Variants in BNC2 observed in about 807,000 individuals in gnomAD.
BNC2 encodes the protein zinc finger protein basonuclin-2.
In BNC2, 20 loss-of-function variants were observed where a neutral mutation model predicts 76.3. The observed-to-expected ratio is 0.26, with a 90% CI of 0.18 to 0.38. The LOEUF is 0.38. Ranked by LOEUF, BNC2 falls within the 10% of genes least tolerant of loss-of-function variation. The probability of loss-of-function intolerance (pLI) is 1.00; values close to 1 mark genes in which losing one functional copy is unlikely to be tolerated. For missense variants in BNC2, 1,382 were observed against 1,399.8 expected, an observed-to-expected ratio of 0.99 and a Z score of 0.20; for synonymous variants, 582 against 514.8, an observed-to-expected ratio of 1.13 and a Z score of -1.77.
chr9:16,685,597 C>T, intron 3 of BNC2: 1 of 1,304,262 alleles, frequency 7.7e-7, no homozygotes, highest in South Asian at 1.2e-5. Context: ...GAAGTCTGCC[C>T]CCAGCACTCT....
chr9:16,562,156 T>C (rs1819034990), intron 4 of BNC2, among the ~76,000 whole-genome samples: 1 of 152,212 alleles, frequency 6.6e-6, no homozygotes, highest in Non-Finnish European at 1.5e-5. Context: ...GCAATGATAA[T>C]GAACTCTCCT....
intron 1 of BNC2, among the ~76,000 whole-genome samples, chr9:16,795,029 C>T (rs968643726): frequency 4.6e-5 from 7 of 152,192 alleles, no homozygotes; most frequent in Non-Finnish European, 1.5e-5. Context: ...AATCATTCTT[C>T]ACAGGGTTCA....
chr9:16,467,443 CAAT>C (rs1821717803), intron 5 of BNC2, among the ~76,000 whole-genome samples: 2 of 144,108 alleles, frequency 1.4e-5, no homozygotes, highest in Non-Finnish European at 3.0e-5. Context: ...AAATGTCCAA[CAAT>C]GATAGACTGG....
At chr9:16,432,506 A>T (rs1321293800) in intron 6 of BNC2, among the ~76,000 whole-genome samples, 3 of 152,234 alleles carry the variant, frequency 2.0e-5, no homozygotes, top group Non-Finnish European at 4.4e-5. Context: ...GGAGAAGCCC[A>T]GGCAGACCTG....
At chr9:16,438,522 G>T (rs1038106684) in intron 5 of BNC2, among the ~76,000 whole-genome samples, 1 of 152,094 alleles carries the variant, frequency 6.6e-6, no homozygotes. Flanking sequence ...ATCCTGCAAT[G>T]TAATGTCAGG....
chr9:16,427,460 A>C (rs1820824576), intron 6 of BNC2, among the ~76,000 whole-genome samples: 1 of 152,260 alleles, frequency 6.6e-6, no homozygotes, highest in South Asian at 2.1e-4. Flanking sequence ...TATTGAAGGC[A>C]ATCCTTCTCT....
chr9:16,518,083 T>C (rs890877126), intron 5 of BNC2, among the ~76,000 whole-genome samples: 2 of 152,238 alleles, frequency 1.3e-5, no homozygotes, highest in Non-Finnish European at 1.5e-5. Flanking sequence ...TTCTATTATA[T>C]ATACTTCGGT....
At chr9:16,485,794 G>A (rs974681104) in intron 5 of BNC2, among the ~76,000 whole-genome samples, 2 of 152,176 alleles carry the variant, frequency 1.3e-5, no homozygotes, top group Non-Finnish European at 2.9e-5. Flanking sequence ...GGGCAACAGA[G>A]TGAGACCCTG....
intron 3 of BNC2, among the ~76,000 whole-genome samples, chr9:16,593,272 G>A (rs1260470289): frequency 1.3e-5 from 2 of 152,070 alleles, no homozygotes; most frequent in Non-Finnish European, 2.9e-5. Flanking sequence ...GAGTGTAAAT[G>A]TTTCTACAAC....
At chr9:16,862,498 G>A (rs1586944749) in intron 1 of BNC2, among the ~76,000 whole-genome samples, 1 of 152,130 alleles carries the variant, frequency 6.6e-6, no homozygotes, top group East Asian at 1.9e-4. Context: ...ATAGAACAGG[G>A]CCTCTATAGA....
intron 3 of BNC2, among the ~76,000 whole-genome samples, chr9:16,592,084 G>C (rs1316529117): frequency 2.0e-5 from 3 of 150,858 alleles, no homozygotes; most frequent in Non-Finnish European, 4.4e-5. Flanking sequence ...ACAAAAAGCT[G>C]GGCAATTTAA....
At chr9:16,467,406 ACAATAG>A (rs1253102865) in intron 5 of BNC2, among the ~76,000 whole-genome samples, 5 of 149,304 alleles carry the variant, frequency 3.3e-5, no homozygotes, top group Non-Finnish European at 7.4e-5. Flanking sequence ...GGCACTATTC[ACAATAG>A]CAAAGACTTG....
chr9:16,509,883 G>A (rs1285594597), intron 5 of BNC2, among the ~76,000 whole-genome samples: 1 of 152,182 alleles, frequency 6.6e-6, no homozygotes, highest in Non-Finnish European at 1.5e-5. Flanking sequence ...AACTGTAATG[G>A]TTAGCTGACA....
chr9:16,529,048 T>C (rs909586194), intron 5 of BNC2, among the ~76,000 whole-genome samples: 1 of 152,198 alleles, frequency 6.6e-6, no homozygotes, highest in African/African-American at 2.4e-5. Flanking sequence ...CCGCCATCTT[T>C]ACCTCACCTC....
Position 16,435,752 on chromosome 9 carries a change from A to G in BNC2, c.2442T>C (p.Tyr814=), listed in dbSNP as rs770242640. ...CTGGGGAGAACTTTTGAGGGCTGCC[A>G]TAATTCAGAGACGATGTAAAGCTCT... ...LHESFTSSLN[Y]GSPQKFSPEG... Residue 814 remains tyrosine, a synonymous_variant, in exon 6 of 7, where the codon TAT becomes TAC. Transcript: ENST00000380672. The G allele has an allele frequency of 2.5e-6, 4 of 1,614,020 alleles. No homozygotes were observed. The highest frequency in any genetic ancestry group is 2.2e-5 in the South Asian group (2 of 91,076).
intron 5 of BNC2, among the ~76,000 whole-genome samples, chr9:16,464,875 G>A (rs556971837): frequency 3.1e-4 from 47 of 152,130 alleles, no homozygotes; most frequent in African/African-American, 1.0e-3. Flanking sequence ...ATCAAGATGG[G>A]TGATGTCTGT....
chr9:16,798,301 T>C (rs1202393988), intron 1 of BNC2, among the ~76,000 whole-genome samples: 1 of 152,214 alleles, frequency 6.6e-6, no homozygotes, highest in East Asian at 1.9e-4. Flanking sequence ...AATTTGGCTC[T>C]AGGCTGTGAA....
intron 5 of BNC2, among the ~76,000 whole-genome samples, chr9:16,444,235 TAC>T (rs146103333): frequency 3.3e-5 from 5 of 151,664 alleles, no homozygotes; most frequent in East Asian, 1.9e-4. Flanking sequence ...GTATCATTCA[TAC>T]ACACACACAC....
At chr9:16,505,989 C>T (rs572748927) in intron 5 of BNC2, among the ~76,000 whole-genome samples, 9 of 152,256 alleles carry the variant, frequency 5.9e-5, no homozygotes, top group African/African-American at 2.2e-4. Flanking sequence ...ATAATTGTAG[C>T]TTTCTGGAAG....
Sources: gnomAD v4.1 joint callset for allele counts (sites outside exome capture counted in the v4.1 genomes callset) on GRCh38, gnomAD v4.1.1 for gene constraint, MANE v1.5 for transcripts, NCBI Gene and HGNC (gene_info 2026-07-23, HGNC 2026-07-21) for gene names.